SYNE3: variants seen among roughly 807,000 people sequenced by gnomAD.
SYNE3 encodes nesprin-3.
In SYNE3, 100 loss-of-function variants were observed where a neutral mutation model predicts 111.2. The observed-to-expected ratio is 0.90, with a 90% CI of 0.77 to 1.06. The LOEUF is 1.06. Among genes scored for constraint, SYNE3 ranks in the 50% least tolerant of loss-of-function variants. The pLI, the probability that SYNE3 is intolerant of heterozygous loss-of-function variation, is 0.00. For missense variants in SYNE3, 1,160 were observed against 1,240.3 expected (o/e 0.94, Z 0.97); for synonymous variants, 547 against 533.9 (o/e 1.02, Z -0.34).
chr14:95,420,715 C>A (rs921653855), intron 17 of SYNE3, among the ~76,000 whole-genome samples: 1 of 151,966 alleles, frequency 6.6e-6, no homozygotes, highest in African/African-American at 2.4e-5. Flanking sequence ...TAGGAAAACA[C>A]ACACACACAC....
In SYNE3 at chr14:95,455,673, C is replaced by G. The variant is rs146716804; in HGVS notation, c.841G>C (p.Glu281Gln). The G allele has an allele frequency of 1.2e-6, 2 of 1,614,244 alleles. No individual in the cohort carries two copies. The highest frequency in any genetic ancestry group is 4.5e-5 in the East Asian group (2 of 44,892). ...TTCCGAATGACACCCGCAGACTGCT[C>G]CTCCAGCGTCTCCAGAGACTCCTCG... ...RGEESLETLE[E>Q]QSAGVIRNTS... The change falls in exon 6 of 18, where the codon GAG becomes CAG. Residue 281 changes from glutamate to glutamine, a missense_variant. Physicochemically the swap from Glu to Gln is conservative, Grantham distance 29. Coordinates refer to ENST00000682763, the MANE Select transcript of SYNE3 (RefSeq NM_152592.6).
At position 95,444,300 on chromosome 14, in the gene SYNE3, G is replaced by A. The variant is rs973254243; in HGVS notation, c.1776+185C>T. ...CTGAGCTCAAGACTCAGTTGTTTGAGGTCAGGAACCATCAGATAAATAAGC... is the reference window on the plus strand; with the variant it reads ...CTGAGCTCAAGACTCAGTTGTTTGAAGTCAGGAACCATCAGATAAATAAGC... On this transcript the variant is annotated intron_variant, in intron 10 of 17. Transcript: ENST00000682763. 2.7e-5 allele frequency: 20 copies of A among 742,922 alleles called. No homozygotes were observed. In the Admixed American group the frequency reaches 6.1e-4, roughly 23 times the overall value. The allele number at this position is 742,922 out of a possible 1,614,324, so 46.0% of individuals were successfully genotyped here.
intron 17 of SYNE3, among the ~76,000 whole-genome samples, chr14:95,420,489 G>A (rs1241240740): frequency 6.6e-6 from 1 of 152,144 alleles, no homozygotes; most frequent in Non-Finnish European, 1.5e-5. Flanking sequence ...ATTCAAGAGA[G>A]GGGCTGTGCC....
intron 1 of SYNE3, among the ~76,000 whole-genome samples, chr14:95,481,742 T>C (rs1317916375): frequency 6.6e-6 from 1 of 152,228 alleles, no homozygotes; most frequent in African/African-American, 2.4e-5. Context: ...GGGCTGCCCC[T>C]GTGGTCCATC....
At chr14:95,495,360 T>G (rs764749382) in intron 1 of SYNE3, among the ~76,000 whole-genome samples, 2 of 152,246 alleles carry the variant, frequency 1.3e-5, no homozygotes, top group African/African-American at 2.4e-5. Context: ...CTACCCTGTC[T>G]CCTGCTCTGG....
intron 17 of SYNE3, among the ~76,000 whole-genome samples, chr14:95,425,857 G>T (rs1036788733): frequency 1.3e-5 from 2 of 152,168 alleles, no homozygotes; most frequent in Non-Finnish European, 1.5e-5. Context: ...TATCAACATT[G>T]AGTGTTATCA....
chr14:95,447,442 G>C (rs1886787876), intron 8 of SYNE3, among the ~76,000 whole-genome samples: 1 of 152,122 alleles, frequency 6.6e-6, no homozygotes, highest in South Asian at 2.1e-4. Context: ...AGCCAAGAAA[G>C]TGGTCATTCT....
intron 14 of SYNE3, chr14:95,437,843 A>G (rs1355440100): frequency 6.6e-6 from 1 of 152,194 alleles, no homozygotes; most frequent in Non-Finnish European, 1.5e-5. Context: ...ATGGCACAAA[A>G]ATAGACCCAT....
chr14:95,453,317 C>A (rs932037410), intron 6 of SYNE3, among the ~76,000 whole-genome samples: 1 of 152,132 alleles, frequency 6.6e-6, no homozygotes, highest in East Asian at 1.9e-4. Context: ...TTGACCATAC[C>A]GACCTCTGAC....
At position 95,473,244 on chromosome 14, in the gene SYNE3, C is replaced by T. The variant is rs562234986; in HGVS notation, c.144+2434G>A. On this transcript the variant is annotated intron_variant, in intron 2 of 17. Coordinates refer to ENST00000682763, the MANE Select transcript of SYNE3 (RefSeq NM_152592.6). ...CCCCTCGGGGCTCACAGAAGTGCTG[C>T]CTCTGGCTTCCAGGGCCCATCCACC... Among the ~76,000 whole-genome samples, 10 of 152,280 alleles carry T rather than the reference C, an allele frequency of 6.6e-5. No homozygotes were observed. In the South Asian group the frequency reaches 1.7e-3, roughly 25 times the overall value.
chr14:95,511,417 T>C (rs1285639431), intron 1 of SYNE3, among the ~76,000 whole-genome samples: 1 of 152,218 alleles, frequency 6.6e-6, no homozygotes, highest in African/African-American at 2.4e-5. Context: ...AAAATGATCC[T>C]GGGCCAGGCG....
At position 95,455,552 on chromosome 14, in the gene SYNE3, T is replaced by A. The variant is rs1183726189; in HGVS notation, c.962A>T (p.Glu321Val). 3 of 1,607,490 alleles carry A rather than the reference T, an allele frequency of 1.9e-6. No homozygotes were observed. Among genetic ancestry groups the A allele is most frequent in the Non-Finnish European group, 2.5e-6 (3 of 1,176,626 alleles). ...KLRALWEEEEERLRGLLRSRG... is the reference protein window; with the variant it reads ...KLRALWEEEEVRLRGLLRSRG... ...GGACCGGAGCAGGCCCCGCAGCCGCTCCTCCTCCTCCTCCCAGAGGGCGCG... is the reference window on the plus strand; with the variant it reads ...GGACCGGAGCAGGCCCCGCAGCCGCACCTCCTCCTCCTCCCAGAGGGCGCG... Residue 321 changes from glutamate to valine, a missense_variant, in exon 6 of 18, where the codon GAG becomes GTG. Physicochemically the swap from Glu to Val is moderately radical, Grantham distance 121. Coordinates refer to ENST00000682763, the MANE Select transcript of SYNE3 (RefSeq NM_152592.6).
intron 1 of SYNE3, among the ~76,000 whole-genome samples, chr14:95,511,990 C>A (rs1302084123): frequency 6.6e-6 from 1 of 152,154 alleles, no homozygotes; most frequent in Non-Finnish European, 1.5e-5. Flanking sequence ...GAGGTTCCTT[C>A]CAGCTCAAAT....
In SYNE3 at chr14:95,455,442, C is replaced by T; in HGVS notation, c.1072G>A (p.Gly358Ser). The T allele has an allele frequency of 1.9e-6, 3 of 1,598,116 alleles. No individual in the cohort carries two copies. Among genetic ancestry groups the T allele is most frequent in the Non-Finnish European group, 2.6e-6 (3 of 1,172,876 alleles). The change falls in exon 6 of 18, where the codon GGC (glycine) becomes AGC (serine). Residue 358 changes from glycine to serine, a missense_variant. Coordinates refer to ENST00000682763, the MANE Select transcript of SYNE3 (RefSeq NM_152592.6). ...CCCGCTTTCGCCGCAGGCTGCAGGC[C>T]CTCCTGGGCCAGCCTCTGCAGGACC... The part of the protein sequence containing the change: ...RMVLQRLAQE[G>S]LQPAAKAGTE...
Position 95,439,944 on chromosome 14 carries a change from C to T in SYNE3, c.2043G>A (p.Gly681=). ...LEAHRGEAGP[G]DAESQEAEFE... ...ACTCGGCCTCTTGGGACTCGGCATCCCCCGGGCCCGCCTCTCCCCGGTGTG... is the reference window on the plus strand; with the variant it reads ...ACTCGGCCTCTTGGGACTCGGCATCTCCCGGGCCCGCCTCTCCCCGGTGTG... The change falls in exon 12 of 18, where the codon GGG becomes GGA. Residue 681 remains glycine (G), a synonymous_variant. Transcript: ENST00000682763. 6.2e-7 allele frequency: 1 copy of T among 1,613,690 alleles called. No homozygotes were observed. Among genetic ancestry groups the T allele is most frequent in the Non-Finnish European group, 8.5e-7 (1 of 1,179,800 alleles).
Position 95,485,289 on chromosome 14 carries a change from A to T in SYNE3, c.-14-9454T>A, listed in dbSNP as rs577798202. Among the ~76,000 whole-genome samples, 3 of 152,266 alleles carry T rather than the reference A, an allele frequency of 2.0e-5. No individual in the cohort carries two copies. Among genetic ancestry groups the T allele is most frequent in the African/African-American group, 7.2e-5 (3 of 41,542 alleles). On this transcript the variant is annotated intron_variant, in intron 1 of 17. Transcript: ENST00000682763. The surrounding 1 kb of genome is among the most constrained non-coding windows in gnomAD (Gnocchi z 4.3). The stretch of plus-strand genomic sequence containing the variant: ...GCATCAGTCACTTCTGTTTCTGAAG[A>T]GCAGAGCAGGCTTCCTCCTCTTGGA...
At chr14:95,512,688 T>C (rs1243743583) in intron 1 of SYNE3, among the ~76,000 whole-genome samples, 1 of 141,078 alleles carries the variant, frequency 7.1e-6, no homozygotes, top group Non-Finnish European at 1.6e-5. Context: ...CCGTCTCTAC[T>C]AAAAAAAAAA....
At chr14:95,475,944 TG>T (rs1888863648) in intron 1 of SYNE3, 109 bp from the exon 2 acceptor site, 2 of 1,148,338 alleles carry the variant, frequency 1.7e-6, no homozygotes, top group East Asian at 6.1e-5. Context: ...AACCCTCCCC[TG>T]GTGCTCCCAG....
At position 95,414,728 on chromosome 14, in the gene SYNE3, C is replaced by G. The variant is rs1352657484; in HGVS notation, c.*3098G>C. 1.3e-5 allele frequency: 2 copies of G among 149,836 alleles called. No individual in the cohort carries two copies. Among genetic ancestry groups the G allele is most frequent in the African/African-American group, 2.5e-5 (1 of 39,384 alleles). The allele number at this position is 149,836 out of a possible 1,614,324, so 9.3% of individuals were successfully genotyped here. A position where few individuals can be genotyped will look rare whatever the true frequency, so the allele number is the denominator to read the frequency against. ...ACACACACACACACACACACACACA[C>G]ACACGCCACAGCGCCACCTTTCTCA... On this transcript the variant is annotated 3_prime_UTR_variant, in exon 18 of 18. Coordinates refer to ENST00000682763, the MANE Select transcript of SYNE3 (RefSeq NM_152592.6).
Sources: allele counts gnomAD v4.1 joint callset (sites outside exome capture counted in the v4.1 genomes callset), GRCh38; gene constraint gnomAD v4.1.1; non-coding constraint Gnocchi (gnomAD v3.1); transcripts MANE v1.5; gene names NCBI Gene and HGNC (gene_info 2026-07-23, HGNC 2026-07-21).